Variants in CSMD3 observed in about 807,000 individuals in gnomAD.
The protein encoded by CSMD3 is CUB and sushi domain-containing protein 3.
A neutral mutation model predicts 435.2 loss-of-function variants in CSMD3; 177 were observed. The ratio of observed to expected loss-of-function variants is 0.41; its 90% confidence interval spans 0.36 to 0.46. The LOEUF (loss-of-function observed/expected upper bound fraction) is 0.46. CSMD3 is among the 20% of genes least tolerant of loss of function. CSMD3 has a pLI of 0.34. For missense variants in CSMD3, 4,265 were observed against 4,504.6 expected (o/e 0.95, Z 1.52); for synonymous variants, 1,656 against 1,520.5 (o/e 1.09, Z -2.07).
intron 3 of CSMD3, among the ~76,000 whole-genome samples, chr8:113,274,636 T>C (rs2093555392): frequency 6.6e-6 from 1 of 152,110 alleles, no homozygotes; most frequent in African/African-American, 2.4e-5. Context: ...CTTTACCTTC[T>C]CCTCTGCAAG....
intron 5 of CSMD3, among the ~76,000 whole-genome samples, chr8:113,084,595 A>T (rs576594907): frequency 1.6e-4 from 24 of 145,742 alleles, no homozygotes; most frequent in African/African-American, 2.3e-4. Context: ...TAAAAAATAT[A>T]AAAAAATTCT....
intron 1 of CSMD3, among the ~76,000 whole-genome samples, chr8:113,344,757 T>C (rs1050946024): frequency 1.3e-5 from 2 of 152,138 alleles, no homozygotes; most frequent in African/African-American, 4.8e-5. Context: ...ATATTTTCTG[T>C]AGCTAAGTTC....
chr8:112,760,975 G>A (rs1000217533), intron 13 of CSMD3, among the ~76,000 whole-genome samples: 12 of 152,068 alleles, frequency 7.9e-5, no homozygotes, highest in Admixed American at 5.9e-4. Flanking sequence ...TTCAAGAATC[G>A]TGCCCTCCGA....
In CSMD3 at chr8:113,321,384, G is replaced by C. The variant is rs538160438; in HGVS notation, c.179-6591C>G. Among the ~76,000 whole-genome samples the C allele has an allele frequency of 5.9e-5, 9 of 152,000 alleles. No homozygotes were observed. The South Asian group carries it at 1.9e-3, about 32-fold the overall frequency. ...GCTGACCTAGGAATAGTTCTTTGAA[G>C]TTTACTAACAACTTCTTCTTCTAGA... On this transcript the variant is annotated intron_variant, in intron 1 of 70. Transcript: ENST00000297405.
At chr8:112,469,143 T>C (rs1210739662) in intron 32 of CSMD3, among the ~76,000 whole-genome samples, 1 of 143,554 alleles carries the variant, frequency 7.0e-6, no homozygotes, top group East Asian at 2.1e-4. Context: ...CTTACAGGCA[T>C]TTAATTCTAC....
At chr8:112,746,706 G>T (rs1163116159) in intron 13 of CSMD3, among the ~76,000 whole-genome samples, 1 of 151,670 alleles carries the variant, frequency 6.6e-6, no homozygotes, top group Admixed American at 6.6e-5. Context: ...CTGCCTTAGG[G>T]TCTTTTGTGA....
chr8:112,859,042 A>T (rs2129851760), intron 11 of CSMD3, 103 bp downstream of exon 11: 1 of 1,092,952 alleles, frequency 9.1e-7, no homozygotes, highest in African/African-American at 1.6e-5. Flanking sequence ...CCAAAATCCT[A>T]CTTGAGTTAT....
At chr8:113,424,370 C>T (rs1028225952) in intron 1 of CSMD3, among the ~76,000 whole-genome samples, 2 of 151,638 alleles carry the variant, frequency 1.3e-5, no homozygotes, top group African/African-American at 4.8e-5. Context: ...TATACTTCAT[C>T]AACACACATC....
chr8:113,264,206 G>A (rs539726923), intron 3 of CSMD3, among the ~76,000 whole-genome samples: 1 of 151,538 alleles, frequency 6.6e-6, no homozygotes, highest in South Asian at 2.1e-4. Context: ...AGCTCATAGT[G>A]TAACTTTATA....
intron 1 of CSMD3, among the ~76,000 whole-genome samples, chr8:113,399,365 G>T (rs1006176011): frequency 6.6e-6 from 1 of 151,272 alleles, no homozygotes; most frequent in East Asian, 1.9e-4. Context: ...AGAAAACCTC[G>T]TATGCAAACT....
intron 5 of CSMD3, among the ~76,000 whole-genome samples, chr8:113,087,138 C>T (rs1471636247): frequency 6.6e-6 from 1 of 152,080 alleles, no homozygotes; most frequent in African/African-American, 2.4e-5. Context: ...TGTTTCATTT[C>T]CTATGGTTGT....
chr8:112,309,092 T>C (rs1034148220), intron 50 of CSMD3, among the ~76,000 whole-genome samples: 3 of 152,030 alleles, frequency 2.0e-5, no homozygotes, highest in African/African-American at 7.2e-5. Flanking sequence ...AATATCTCAT[T>C]TTTAAACTAT....
rs535641086 is a variant in CSMD3, at chr8:112,916,885, A to C, written c.1633+4742T>G. On this transcript the variant is annotated intron_variant, in intron 10 of 70. Transcript: ENST00000297405. ...GGTGCAGTGGGTCACTGAGCTAAAC[A>C]CTGAGAAGAGGAATAATATATAAGA... Among the ~76,000 whole-genome samples, 78 of 152,092 alleles carry C rather than the reference A, an allele frequency of 5.1e-4. No homozygotes were observed. The Middle Eastern group carries it at 0.014, about 27-fold the overall frequency.
At chr8:113,079,527 G>A (rs918987321) in intron 5 of CSMD3, among the ~76,000 whole-genome samples, 2 of 151,860 alleles carry the variant, frequency 1.3e-5, no homozygotes, top group African/African-American at 2.4e-5. Flanking sequence ...CTGCATCTGA[G>A]GTTGCATCAT....
rs188172106 is a variant in CSMD3 at position 112,816,722 on chromosome 8, C to A, written c.1859+12964G>T. Among the ~76,000 whole-genome samples the A allele has an allele frequency of 2.8e-4, 42 of 151,926 alleles. No homozygotes were observed. The East Asian group carries it at 7.5e-3, about 27-fold the overall frequency. ...AATATAGGGCTCAACAAACTAAGAG[C>A]AATGATAGTCATCTATTTACAAGCC... On this transcript the variant is annotated intron_variant, in intron 12 of 70. Transcript: ENST00000297405.
chr8:113,051,111 C>A (rs2088070438), intron 5 of CSMD3, among the ~76,000 whole-genome samples: 1 of 152,062 alleles, frequency 6.6e-6, no homozygotes. Flanking sequence ...AATTTTTCCA[C>A]AATATACTGA....
intron 9 of CSMD3, among the ~76,000 whole-genome samples, chr8:112,935,050 T>C (rs545556108): frequency 1.8e-4 from 28 of 152,230 alleles, no homozygotes; most frequent in African/African-American, 6.5e-4. Flanking sequence ...TTATGTTAAA[T>C]ACCTAAATTT....
intron 45 of CSMD3, among the ~76,000 whole-genome samples, chr8:112,331,482 G>T (rs569224873): frequency 2.0e-5 from 3 of 151,982 alleles, no homozygotes; most frequent in East Asian, 3.9e-4. Flanking sequence ...ATCATAAAAG[G>T]CTTTACGAAG....
At chr8:113,271,329 C>A (rs1049173422) in intron 3 of CSMD3, among the ~76,000 whole-genome samples, 2 of 152,074 alleles carry the variant, frequency 1.3e-5, no homozygotes, top group Non-Finnish European at 2.9e-5. Context: ...TATGGCAGCC[C>A]GTCCCATTAC....
Sources: allele counts gnomAD v4.1 joint callset (sites outside exome capture counted in the v4.1 genomes callset), GRCh38; gene constraint gnomAD v4.1.1; transcripts MANE v1.5; gene names NCBI Gene and HGNC (gene_info 2026-07-23, HGNC 2026-07-21).